NALF1: variants seen among roughly 807,000 people sequenced by gnomAD.
The protein encoded by NALF1 is NALCN channel auxiliary factor 1.
NALF1 carries 3 observed loss-of-function variants against 48.4 expected under a neutral mutation model. The ratio of observed to expected loss-of-function variants is 0.06; its 90% CI spans 0.03 to 0.16. NALF1 has a LOEUF of 0.16. NALF1 is among the 10% of genes least tolerant of loss of function. The pLI is 1.00. For synonymous variants in NALF1, 262 were observed against 245.7 expected (o/e 1.07, Z -0.62); for missense variants, 526 against 571.5 (o/e 0.92, Z 0.81).
chr13:107,299,404 C>A (rs1881790167), intron 1 of NALF1, among the ~76,000 whole-genome samples: 1 of 150,148 alleles, frequency 6.7e-6, no homozygotes, highest in Admixed American at 6.7e-5. Flanking sequence ...CCACCGCACT[C>A]CAGCCTGGGC....
At chr13:107,560,961 CA>C (rs925827382) in intron 1 of NALF1, among the ~76,000 whole-genome samples, 25 of 152,184 alleles carry the variant, frequency 1.6e-4, no homozygotes, top group African/African-American at 4.8e-4. Flanking sequence ...GTATGTTTTC[CA>C]AAAAACAATT....
chr13:107,227,006 C>A (rs752290462), intron 1 of NALF1, among the ~76,000 whole-genome samples: 1 of 152,182 alleles, frequency 6.6e-6, no homozygotes, highest in Non-Finnish European at 1.5e-5. Context: ...CATATTGTAT[C>A]CAGACATTCT....
At chr13:107,242,366 C>T (rs529309955) in intron 1 of NALF1, among the ~76,000 whole-genome samples, 1 of 152,292 alleles carries the variant, frequency 6.6e-6, no homozygotes, top group East Asian at 1.9e-4. Flanking sequence ...CCTCAATGTC[C>T]TGCTCCAGGT....
chr13:107,195,378 A>G (rs537566841), intron 2 of NALF1, among the ~76,000 whole-genome samples: 33 of 152,364 alleles, frequency 2.2e-4, no homozygotes, highest in African/African-American at 7.2e-4. Flanking sequence ...TGGCGGTAAC[A>G]TACTCAAGGG....
chr13:107,500,596 A>G (rs1432779912), intron 1 of NALF1, among the ~76,000 whole-genome samples: 1 of 150,926 alleles, frequency 6.6e-6, no homozygotes, highest in Non-Finnish European at 1.5e-5. Context: ...CAGCCATCCC[A>G]TTACTGGGTA....
chr13:107,607,872 A>G (rs1879115322), intron 1 of NALF1, among the ~76,000 whole-genome samples: 1 of 152,192 alleles, frequency 6.6e-6, no homozygotes, highest in Admixed American at 6.5e-5. Flanking sequence ...CACACCTGTA[A>G]CAGTGAAAAC....
chr13:107,412,612 C>T (rs1368424364), intron 1 of NALF1, among the ~76,000 whole-genome samples: 1 of 152,186 alleles, frequency 6.6e-6, no homozygotes, highest in Admixed American at 6.5e-5. Context: ...GTCACAATTG[C>T]TGAGTTCATA....
intron 1 of NALF1, among the ~76,000 whole-genome samples, chr13:107,541,808 CA>C (rs1301254512): frequency 6.6e-6 from 1 of 152,100 alleles, no homozygotes; most frequent in Non-Finnish European, 1.5e-5. Flanking sequence ...CTCTATTCCT[CA>C]ATGATGATGG....
At chr13:107,355,925 T>C (rs1382664208) in intron 1 of NALF1, among the ~76,000 whole-genome samples, 2 of 152,194 alleles carry the variant, frequency 1.3e-5, no homozygotes, top group East Asian at 1.9e-4. Context: ...AAGCAGGGTA[T>C]GTTAGTGCAT....
chr13:107,809,803 C>T (rs769978621), intron 1 of NALF1, among the ~76,000 whole-genome samples: 16 of 152,134 alleles, frequency 1.1e-4, no homozygotes, highest in Non-Finnish European at 1.8e-4. Context: ...AATCCATACT[C>T]ATGGAAACGT....
chr13:107,226,088 C>A (rs912774187), intron 1 of NALF1, among the ~76,000 whole-genome samples: 5 of 152,040 alleles, frequency 3.3e-5, no homozygotes, highest in African/African-American at 1.2e-4. Context: ...TCTTAAGAGT[C>A]AGTGAGCTGG....
intron 1 of NALF1, among the ~76,000 whole-genome samples, chr13:107,481,721 G>T (rs1421009992): frequency 6.6e-6 from 1 of 152,102 alleles, no homozygotes; most frequent in Non-Finnish European, 1.5e-5. Context: ...GGCTTCAAGG[G>T]TGAAGTGGGT....
At chr13:107,684,854 A>G (rs1208214638) in intron 1 of NALF1, among the ~76,000 whole-genome samples, 1 of 152,196 alleles carries the variant, frequency 6.6e-6, no homozygotes, top group African/African-American at 2.4e-5. Flanking sequence ...AATAACTGGC[A>G]ATATTAATCC....
At chr13:107,813,314 C>A (rs1454667757) in intron 1 of NALF1, among the ~76,000 whole-genome samples, 1 of 152,076 alleles carries the variant, frequency 6.6e-6, no homozygotes, top group Non-Finnish European at 1.5e-5. Flanking sequence ...CATTATAGGT[C>A]TTGAAGGTGA....
intron 1 of NALF1, among the ~76,000 whole-genome samples, chr13:107,830,337 A>ATGTTTAAT (rs1480790365): frequency 6.6e-6 from 1 of 152,180 alleles, no homozygotes; most frequent in Non-Finnish European, 1.5e-5. Flanking sequence ...TATAAAATGT[A>ATGTTTAAT]TGTTTAATTT....
At chr13:107,776,194 G>T (rs890534889) in intron 1 of NALF1, among the ~76,000 whole-genome samples, 2 of 152,170 alleles carry the variant, frequency 1.3e-5, no homozygotes, top group Non-Finnish European at 2.9e-5. Context: ...AGAGGCAGAG[G>T]CAATAGAGGG....
chr13:107,431,627 G>A (rs1017026179), intron 1 of NALF1, among the ~76,000 whole-genome samples: 4 of 152,156 alleles, frequency 2.6e-5, no homozygotes, highest in Non-Finnish European at 4.4e-5. Flanking sequence ...CAAGAGTGAG[G>A]GATGCTAGCC....
chr13:107,418,531 A>G (rs1884132052), intron 1 of NALF1, among the ~76,000 whole-genome samples: 1 of 152,118 alleles, frequency 6.6e-6, no homozygotes, highest in Non-Finnish European at 1.5e-5. Flanking sequence ...ACTGTAGATA[A>G]TACAATCTAT....
At chr13:107,795,306 G>A (rs572900213) in intron 1 of NALF1, among the ~76,000 whole-genome samples, 86 of 152,206 alleles carry the variant, frequency 5.7e-4, no homozygotes, top group African/African-American at 2.0e-3. Flanking sequence ...CAAAGAAAGA[G>A]GGGGGAAAGC....
Sources: gnomAD v4.1 joint callset for allele counts (sites outside exome capture counted in the v4.1 genomes callset) on GRCh38, gnomAD v4.1.1 for gene constraint, MANE v1.5 for transcripts, NCBI Gene and HGNC (gene_info 2026-07-23, HGNC 2026-07-21) for gene names.